CCSAP: variants seen among roughly 807,000 people sequenced by gnomAD.
The protein encoded by CCSAP is centriole, cilia and spindle associated protein, also known as centriole, cilia and spindle-associated protein.
CCSAP carries 17 observed loss-of-function variants against 25.9 expected under a neutral mutation model. That is an observed-to-expected ratio of 0.66 (90% CI 0.45 to 0.99). The LOEUF is 0.99. Among genes scored for constraint, CCSAP ranks in the 50% least tolerant of loss-of-function variants. CCSAP has a pLI of 0.00. For missense variants in CCSAP, 339 were observed against 367.8 expected (o/e 0.92, Z 0.64); for synonymous variants, 169 against 157.1 (o/e 1.08, Z -0.57).
chr1:229,326,397 C>T (rs780981999), intron 3 of CCSAP, among the ~76,000 whole-genome samples: 3 of 152,206 alleles, frequency 2.0e-5, no homozygotes, highest in Non-Finnish European at 4.4e-5. Flanking sequence ...CCAGATGGGC[C>T]GTCGCCAGCC....
Position 229,325,236 on chromosome 1 carries a change from T to C in CCSAP, c.812A>G (p.Ter271=). 1 of 1,596,738 alleles carries C rather than the reference T, an allele frequency of 6.3e-7. No individual in the cohort carries two copies. Among genetic ancestry groups the C allele is most frequent in the Non-Finnish European group, 8.5e-7 (1 of 1,175,318 alleles). ...EYMRCYSARA[*] is the part of the protein sequence containing the mutation. Reference sequence around the variant, plus strand: ...GAGGCTGTCCACGCAAGTGTTTCTTTAAGCTCTTGCCGAATAGCACCTCAT... The same window carrying C: ...GAGGCTGTCCACGCAAGTGTTTCTTCAAGCTCTTGCCGAATAGCACCTCAT... The change falls in exon 4 of 4, where the codon TAA becomes TGA. Residue 271 remains the stop codon, a stop_retained_variant. Transcript: ENST00000284617.
At chr1:229,326,329 A>G (rs1192975262) in intron 3 of CCSAP, among the ~76,000 whole-genome samples, 1 of 152,166 alleles carries the variant, frequency 6.6e-6, no homozygotes, top group African/African-American at 2.4e-5. Flanking sequence ...AAGATAAAGA[A>G]GCGCCAGGTT....
At position 229,342,121 on chromosome 1, in the gene CCSAP, G is replaced by GTCCTCCGCC; in HGVS notation, c.344_345insGGCGGAGGA (p.Glu112_Glu114dup). 2 of 1,344,672 alleles carry GTCCTCCGCC rather than the reference G, an allele frequency of 1.5e-6. No individual in the cohort carries two copies. The highest frequency in any genetic ancestry group is 4.2e-5 in the South Asian group (2 of 48,014). The allele number at this position is 1,344,672 out of a possible 1,614,324, so 83.3% of individuals were successfully genotyped here. A position where few individuals can be genotyped will look rare whatever the true frequency, so the allele number is the denominator to read the frequency against. On this transcript the variant is annotated inframe_insertion, in exon 2 of 4. Transcript: ENST00000284617. This position sits in a 1 kb window ranked among gnomAD's most constrained non-coding sequence, Gnocchi z 7.5. ...TACCTGGCAGAGCCGCGTCCTCCGC[G>GTCCTCCGCC]TCCTCGGCCTCCGCGTCCCCGGCCT...
intron 2 of CCSAP, among the ~76,000 whole-genome samples, chr1:229,338,045 T>A (rs1658243414): frequency 6.6e-6 from 1 of 152,078 alleles, no homozygotes; most frequent in Admixed American, 6.6e-5. Flanking sequence ...CCTGCAAATA[T>A]CTACACAGCC....
intron 2 of CCSAP, among the ~76,000 whole-genome samples, chr1:229,329,094 C>G (rs982584431): frequency 1.3e-5 from 2 of 152,160 alleles, no homozygotes; most frequent in African/African-American, 2.4e-5. Flanking sequence ...TCATCAGGAC[C>G]AAGACTAAAG....
chr1:229,338,799 A>G (rs1409197147), intron 2 of CCSAP, among the ~76,000 whole-genome samples: 1 of 152,180 alleles, frequency 6.6e-6, no homozygotes, highest in Non-Finnish European at 1.5e-5. Flanking sequence ...TACATGCATC[A>G]ATCAGGAACC....
chr1:229,342,276 A>T lies in CCSAP; in HGVS notation c.190T>A (p.Ser64Thr). Residue 64 changes from serine (S) to threonine (T), a missense_variant, in exon 2 of 4, where the codon TCA becomes ACA. Transcript: ENST00000284617. The surrounding 1 kb of genome is among the most constrained non-coding windows in gnomAD (Gnocchi z 7.5). ...PAGSSEDSAS[S>T]ESSGAGGPAP... ...GGGCCCCCGGCGCCCGACGACTCTGACGACGCCGAGTCCTCCGAGGAGCCG... is the reference window on the plus strand; with the variant it reads ...GGGCCCCCGGCGCCCGACGACTCTGTCGACGCCGAGTCCTCCGAGGAGCCG... 7.4e-7 allele frequency: 1 copy of T among 1,348,748 alleles called. No homozygotes were observed. The highest frequency in any genetic ancestry group is 1.9e-5 in the South Asian group (1 of 53,246). The allele number at this position is 1,348,748 out of a possible 1,614,324, so 83.5% of individuals were successfully genotyped here.
At chr1:229,341,481 C>T (rs1658333707) in intron 2 of CCSAP, among the ~76,000 whole-genome samples, 1 of 152,192 alleles carries the variant, frequency 6.6e-6, no homozygotes, top group Admixed American at 6.5e-5. Flanking sequence ...GCGCCACCGG[C>T]GCTTTCGGAT....
Position 229,328,814 on chromosome 1 carries a change from G to A in CCSAP, c.368-1808C>T, listed in dbSNP as rs116653678. ...AGGTCATCTGCCACGTCTGCCTTCA[G>A]TGATGACCTTGACTCTAGCAAACCA... On this transcript the variant is annotated intron_variant, in intron 2 of 3. Transcript: ENST00000284617. Among the ~76,000 whole-genome samples, 207 of 152,338 alleles carry A rather than the reference G, an allele frequency of 1.4e-3. 1 individual carries two copies. Among genetic ancestry groups the A allele is most frequent in the Non-Finnish European group, 2.5e-3 (172 of 68,032 alleles).
chr1:229,342,268 C>T lies in CCSAP; in HGVS notation c.198G>A (p.Ser66=). The change falls in exon 2 of 4, where the codon TCG becomes TCA. Residue 66 remains serine (S), a synonymous_variant. Transcript: ENST00000284617. The surrounding 1 kb of genome is among the most constrained non-coding windows in gnomAD (Gnocchi z 7.5). ...GGGGTGCGGGGCCCCCGGCGCCCGA[C>T]GACTCTGACGACGCCGAGTCCTCCG... The part of the protein sequence containing the change: ...GSSEDSASSE[S]SGAGGPAPRC... The T allele has an allele frequency of 7.6e-7, 1 of 1,309,668 alleles. No individual in the cohort carries two copies. 81.1% of individuals were successfully genotyped at this position (1,309,668 alleles called of 1,614,324 possible). A position where few individuals can be genotyped will look rare whatever the true frequency, so the allele number is the denominator to read the frequency against.
At chr1:229,326,714 G>A in intron 3 of CCSAP, 24 bp downstream of exon 3, 1 of 1,611,744 alleles carries the variant, frequency 6.2e-7, no homozygotes, top group Non-Finnish European at 8.5e-7. Context: ...AGGGAACACA[G>A]AACCACAAGG....
At chr1:229,327,371 C>G in intron 2 of CCSAP, 1 of 362,284 alleles carries the variant, frequency 2.8e-6, no homozygotes, top group Admixed American at 3.6e-5. Context: ...CTTTCCTTCA[C>G]GGAAAGATCT....
chr1:229,342,859 G>T lies in CCSAP; in HGVS notation c.-49+53C>A. ...GGGCCCGTGATCGGGTGGTCCTGGG[G>T]TCTCCGGAGGCGTCCCCTGAGCTAG... On this transcript the variant is annotated intron_variant, in intron 1 of 3. Coordinates refer to ENST00000284617, the MANE Select transcript of CCSAP (RefSeq NM_145257.5). This position sits in a 1 kb window ranked among gnomAD's most constrained non-coding sequence, Gnocchi z 7.5. 1 of 162,630 alleles carries T rather than the reference G, an allele frequency of 6.1e-6. No individual in the cohort carries two copies. The highest frequency in any genetic ancestry group is 1.3e-5 in the Non-Finnish European group (1 of 75,258). The allele number at this position is 162,630 out of a possible 1,614,324, so 10.1% of individuals were successfully genotyped here. A position where few individuals can be genotyped will look rare whatever the true frequency, so the allele number is the denominator to read the frequency against.
rs915238896 is a variant in CCSAP at position 229,323,715 on chromosome 1, G to C, written c.*1520C>G. 1.3e-5 allele frequency: 2 copies of C among 152,102 alleles called. No homozygotes were observed. Among genetic ancestry groups the C allele is most frequent in the Non-Finnish European group, 2.9e-5 (2 of 68,018 alleles). The allele number at this position is 152,102 out of a possible 1,614,324, so 9.4% of individuals were successfully genotyped here. Reference sequence around the variant, plus strand: ...GCAAATATTTAAAAAGTTTTTTTAAGCTCACAATACTTCAGTATGTGTTTT... The same window carrying C: ...GCAAATATTTAAAAAGTTTTTTTAACCTCACAATACTTCAGTATGTGTTTT... On this transcript the variant is annotated 3_prime_UTR_variant, in exon 4 of 4. Transcript: ENST00000284617.
intron 2 of CCSAP, among the ~76,000 whole-genome samples, chr1:229,338,713 A>G (rs1301824945): frequency 6.6e-6 from 1 of 152,250 alleles, no homozygotes; most frequent in Non-Finnish European, 1.5e-5. Context: ...GAAGTGAAAG[A>G]TTGTGCTGAA....
In CCSAP at chr1:229,342,041, G is replaced by C. The variant is rs531652712; in HGVS notation, c.367+58C>G. Reference sequence around the variant, plus strand: ...AGAAATAAGAGATCAGCTGCTCAGAGCTTAGAGCAAACCGTCCCTGCGTGC... The same window carrying C: ...AGAAATAAGAGATCAGCTGCTCAGACCTTAGAGCAAACCGTCCCTGCGTGC... On this transcript the variant is annotated intron_variant, in intron 2 of 3. Coordinates refer to ENST00000284617, the MANE Select transcript of CCSAP (RefSeq NM_145257.5). This position sits in a 1 kb window ranked among gnomAD's most constrained non-coding sequence, Gnocchi z 7.5. 7.8e-7 allele frequency: 1 copy of C among 1,287,522 alleles called. No homozygotes were observed. Among genetic ancestry groups the C allele is most frequent in the Non-Finnish European group, 9.8e-7 (1 of 1,018,256 alleles). The allele number at this position is 1,287,522 out of a possible 1,614,324, so 79.8% of individuals were successfully genotyped here. A position where few individuals can be genotyped will look rare whatever the true frequency, so the allele number is the denominator to read the frequency against.
chr1:229,336,848 A>C (rs947094102), intron 2 of CCSAP, among the ~76,000 whole-genome samples: 1 of 152,016 alleles, frequency 6.6e-6, no homozygotes, highest in African/African-American at 2.4e-5. Flanking sequence ...TATTTTTTTT[A>C]ATGTAAAGAA....
rs200867954 is a variant in CCSAP, at chr1:229,326,876, C to G, written c.498G>C (p.Ala166=). The stretch of plus-strand genomic sequence containing the variant: ...TCGATGATCTTTGGGGACTTTTGAC[C>G]GCTTTCCTGTTTCCTCTAGCAAATA... ...SALFARGNRK[A]VKSPQRSSSK... is the part of the protein sequence containing the mutation. Residue 166 remains alanine, a synonymous_variant, in exon 3 of 4, where the codon GCG becomes GCC. Coordinates refer to ENST00000284617, the MANE Select transcript of CCSAP (RefSeq NM_145257.5). 1.2e-6 allele frequency: 2 copies of G among 1,614,040 alleles called. No individual in the cohort carries two copies. Among genetic ancestry groups the G allele is most frequent in the Non-Finnish European group, 1.7e-6 (2 of 1,180,030 alleles).
At chr1:229,328,938 C>T (rs1658006623) in intron 2 of CCSAP, among the ~76,000 whole-genome samples, 1 of 152,250 alleles carries the variant, frequency 6.6e-6, no homozygotes, top group African/African-American at 2.4e-5. Context: ...AAACCCAGCA[C>T]TGGAGTTGCT....
Sources: gnomAD v4.1 joint callset for allele counts (sites outside exome capture counted in the v4.1 genomes callset) on GRCh38, gnomAD v4.1.1 for gene constraint, Gnocchi (gnomAD v3.1) non-coding constraint, MANE v1.5 for transcripts, NCBI Gene and HGNC (gene_info 2026-07-23, HGNC 2026-07-21) for gene names.